The following GUCY1B1 variants were observed in gnomAD, a reference collection of about 807,000 sequenced individuals.
GUCY1B1 encodes the protein guanylate cyclase soluble subunit beta-1.
A neutral mutation model predicts 71.0 loss-of-function variants in GUCY1B1; 43 were observed. The ratio of observed to expected loss-of-function variants is 0.61; its 90% CI spans 0.47 to 0.78. The LOEUF is 0.78. GUCY1B1 is among the 30% of genes least tolerant of loss of function. The pLI is 0.00. For synonymous variants in GUCY1B1, 266 were observed against 259.7 expected (o/e 1.02, Z -0.23); for missense variants, 535 against 754.1 (o/e 0.71, Z 3.40).
chr4:155,781,217 G>A (rs1449812630), intron 4 of GUCY1B1, among the ~76,000 whole-genome samples: 1 of 152,112 alleles, frequency 6.6e-6, no homozygotes, highest in African/African-American at 2.4e-5. Flanking sequence ...TAATTCTGAA[G>A]TATATGTGTC....
At chr4:155,779,210 G>T (rs1738254356) in intron 4 of GUCY1B1, among the ~76,000 whole-genome samples, 1 of 152,104 alleles carries the variant, frequency 6.6e-6, no homozygotes, top group African/African-American at 2.4e-5. Context: ...ACTTGAGCCT[G>T]GGAGATGGAG....
At chr4:155,801,570 C>T (rs910232199) in intron 9 of GUCY1B1, among the ~76,000 whole-genome samples, 3 of 152,156 alleles carry the variant, frequency 2.0e-5, no homozygotes, top group Admixed American at 1.3e-4. Context: ...ATTTAAACTT[C>T]CCACATATGC....
chr4:155,772,699 C>T (rs1480642109), intron 2 of GUCY1B1: 1 of 702,264 alleles, frequency 1.4e-6, no homozygotes, highest in Non-Finnish European at 2.6e-6. Context: ...GGATAACAGG[C>T]ATGAGCCAAC....
chr4:155,784,753 T>A (rs2111080878), intron 4 of GUCY1B1, among the ~76,000 whole-genome samples: 1 of 152,298 alleles, frequency 6.6e-6, no homozygotes, highest in East Asian at 1.9e-4. Flanking sequence ...TCTTACCCAT[T>A]TCTGTGGATC....
At chr4:155,769,244 C>G (rs1737543397) in intron 2 of GUCY1B1, among the ~76,000 whole-genome samples, 1 of 152,146 alleles carries the variant, frequency 6.6e-6, no homozygotes. Flanking sequence ...AGAGTTGAAT[C>G]TGCCCAAACT....
chr4:155,784,109 T>A (rs1738612186), intron 4 of GUCY1B1, among the ~76,000 whole-genome samples: 1 of 152,156 alleles, frequency 6.6e-6, no homozygotes, highest in African/African-American at 2.4e-5. Context: ...TTTTCTTTAA[T>A]TAAAATATTT....
chr4:155,787,226 C>T (rs1462233698), intron 4 of GUCY1B1, among the ~76,000 whole-genome samples: 1 of 152,068 alleles, frequency 6.6e-6, no homozygotes, highest in Non-Finnish European at 1.5e-5. Flanking sequence ...TTTTAGGACT[C>T]CGGGGTTTGT....
Position 155,805,167 on chromosome 4 carries a change from A to G in GUCY1B1, c.1774A>G (p.Met592Val). Residue 592 changes from methionine (M) to valine (V), a missense_variant, in exon 13 of 14, where the codon ATG (methionine) becomes GTG (valine). Physicochemically the swap from Met to Val is conservative, Grantham distance 21. Coordinates refer to ENST00000264424, the MANE Select transcript of GUCY1B1 (RefSeq NM_000857.5). ...FHLEHRGPVS[M>V]KGKKEPMQVW... ...CTTGGAGCACAGAGGCCCAGTGTCC[A>G]TGAAGGGCAAAAAAGAACCAATGCA... The G allele has an allele frequency of 1.9e-6, 3 of 1,612,322 alleles. No homozygotes were observed. Among genetic ancestry groups the G allele is most frequent in the Non-Finnish European group, 1.7e-6 (2 of 1,178,846 alleles).
intron 5 of GUCY1B1, among the ~76,000 whole-genome samples, chr4:155,792,553 A>T (rs556238988): frequency 1.1e-4 from 17 of 152,230 alleles, no homozygotes; most frequent in African/African-American, 4.1e-4. Context: ...TTGCTACAAA[A>T]TATATCTAAA....
intron 8 of GUCY1B1, among the ~76,000 whole-genome samples, chr4:155,797,735 A>AAATATAATAAT (rs1554013181): frequency 1.4e-5 from 2 of 144,978 alleles, no homozygotes; most frequent in African/African-American, 5.1e-5. Flanking sequence ...CACTGTCTCA[A>AAATATAATAAT]AATAATAATA....
chr4:155,805,239 A>G lies in GUCY1B1; in HGVS notation c.1836+10A>G. 1 of 1,603,180 alleles carries G rather than the reference A, an allele frequency of 6.2e-7. No individual in the cohort carries two copies. Among genetic ancestry groups the G allele is most frequent in the Non-Finnish European group, 8.5e-7 (1 of 1,173,848 alleles). On this transcript the variant is annotated intron_variant, in intron 13 of 13. Coordinates refer to ENST00000264424, the MANE Select transcript of GUCY1B1 (RefSeq NM_000857.5). ...AAATACAGGAACAGAGGTATGACTA[A>G]TCAAAGTGTAATTTGCGTACTTAAG...
At position 155,800,024 on chromosome 4, in the gene GUCY1B1, G is replaced by T. The variant is rs1249603954; in HGVS notation, c.1125G>T (p.Arg375Ser). 6.2e-7 allele frequency: 1 copy of T among 1,613,650 alleles called. No individual in the cohort carries two copies. Among genetic ancestry groups the T allele is most frequent in the Non-Finnish European group, 8.5e-7 (1 of 1,179,678 alleles). The change falls in exon 9 of 14, where the codon AGG (arginine) becomes AGT (serine). Residue 375 changes from arginine to serine, a missense_variant. Physicochemically the swap from Arg to Ser is moderately radical, Grantham distance 110 (BLOSUM62 -1). Coordinates refer to ENST00000264424, the MANE Select transcript of GUCY1B1 (RefSeq NM_000857.5). Reference sequence around the variant, plus strand: ...AAGAACTGGAAATCCTCACTGACAGGCTACAGCTCACGTTAAGAGCCCTGG... The same window carrying T: ...AAGAACTGGAAATCCTCACTGACAGTCTACAGCTCACGTTAAGAGCCCTGG... ...LTQELEILTD[R>S]LQLTLRALED...
At chr4:155,770,371 C>G (rs1442046615) in intron 2 of GUCY1B1, among the ~76,000 whole-genome samples, 13 of 152,230 alleles carry the variant, frequency 8.5e-5, no homozygotes, top group Admixed American at 7.8e-4. Flanking sequence ...TATCACATCT[C>G]TGTGCTTTCT....
At chr4:155,805,252 T>C (rs773507410) in intron 13 of GUCY1B1, 23 bp downstream of exon 13, 4 of 1,593,952 alleles carry the variant, frequency 2.5e-6, no homozygotes, top group Non-Finnish European at 3.4e-6. Context: ...AAAGTGTAAT[T>C]TGCGTACTTA....
At position 155,775,839 on chromosome 4, in the gene GUCY1B1, G is replaced by A. The variant is rs1045462249; in HGVS notation, c.178+771G>A. Among the ~76,000 whole-genome samples the A allele has an allele frequency of 6.0e-5, 9 of 151,098 alleles. 1 individual carries two copies. The South Asian group carries it at 1.9e-3, about 31-fold the overall frequency. On this transcript the variant is annotated intron_variant, in intron 3 of 13. Transcript: ENST00000264424. ...GGCAAAGTTTTAAAAATTTCATGGA[G>A]AAGAAGTTGTTCTCAAAGTAGTATC...
In GUCY1B1 at chr4:155,802,662, C is replaced by A; in HGVS notation, c.1413+83C>A. 8.3e-7 allele frequency: 1 copy of A among 1,209,408 alleles called. No individual in the cohort carries two copies. Among genetic ancestry groups the A allele is most frequent in the Non-Finnish European group, 1.1e-6 (1 of 873,164 alleles). The allele number at this position is 1,209,408 out of a possible 1,614,324, so 74.9% of individuals were successfully genotyped here. A position where few individuals can be genotyped will look rare whatever the true frequency, so the allele number is the denominator to read the frequency against. ...CCCTCCAGAGGCCATGTCATCACAG[C>A]TCTCTGACTCCAGCACTGCAGCCTT... is the stretch of plus-strand genomic sequence containing the variant. On this transcript the variant is annotated intron_variant, in intron 10 of 13. Coordinates refer to ENST00000264424, the MANE Select transcript of GUCY1B1 (RefSeq NM_000857.5). This position sits in a 1 kb window ranked among gnomAD's most constrained non-coding sequence, Gnocchi z 4.3.
At chr4:155,775,906 T>G (rs1282701646) in intron 3 of GUCY1B1, among the ~76,000 whole-genome samples, 1 of 152,222 alleles carries the variant, frequency 6.6e-6, no homozygotes, top group East Asian at 1.9e-4. Flanking sequence ...GGCTATAGTT[T>G]GGATACAATA....
At chr4:155,772,111 C>T (rs1737730768) in intron 2 of GUCY1B1, among the ~76,000 whole-genome samples, 1 of 151,916 alleles carries the variant, frequency 6.6e-6, no homozygotes, top group Admixed American at 6.6e-5. Context: ...TTGTATATTA[C>T]GTTTTCATAA....
chr4:155,761,044 T>C (rs1220272653), intron 2 of GUCY1B1, among the ~76,000 whole-genome samples: 1 of 152,208 alleles, frequency 6.6e-6, no homozygotes, highest in Non-Finnish European at 1.5e-5. Flanking sequence ...TTCTTTCCCC[T>C]GGATCTGTAT....
Sources: allele counts gnomAD v4.1 joint callset (sites outside exome capture counted in the v4.1 genomes callset), GRCh38; gene constraint gnomAD v4.1.1; non-coding constraint Gnocchi (gnomAD v3.1); transcripts MANE v1.5; gene names NCBI Gene and HGNC (gene_info 2026-07-23, HGNC 2026-07-21).